Variants in TSPAN7 observed in about 807,000 individuals in gnomAD.
TSPAN7 encodes tetraspanin-7.
In TSPAN7, 1 loss-of-function variant was observed where a neutral mutation model predicts 17.6. That is an observed-to-expected ratio of 0.06 (90% CI 0.02 to 0.27). TSPAN7 has a LOEUF of 0.27. Ranked by LOEUF, TSPAN7 falls within the 10% of genes least tolerant of loss-of-function variation. The probability of loss-of-function intolerance (pLI) is 1.00; values close to 1 mark genes in which losing one functional copy is unlikely to be tolerated. For synonymous variants in TSPAN7, 78 were observed against 79.0 expected, an observed-to-expected ratio of 0.99 and a Z score of 0.07; for missense variants, 112 against 201.7, an observed-to-expected ratio of 0.56 and a Z score of 2.69.
intron 1 of TSPAN7, among the ~76,000 whole-genome samples, chrX:38,660,931 T>G (rs2069740408): frequency 8.9e-6 from 1 of 112,094 alleles, no homozygotes. Flanking sequence ...GAACCTTGTA[T>G]TAAGGATTTA....
chrX:38,585,388 G>A (rs1337975671), intron 1 of TSPAN7, among the ~76,000 whole-genome samples: 1 of 111,016 alleles, frequency 9.0e-6, no homozygotes, highest in Admixed American at 9.6e-5. Context: ...TTTGTTTGTT[G>A]CCCATTCTTA....
chrX:38,639,946 C>T (rs935629228), intron 1 of TSPAN7, among the ~76,000 whole-genome samples: 1 of 111,394 alleles, frequency 9.0e-6, no homozygotes, highest in Non-Finnish European at 1.9e-5. Context: ...ATTCTTCTTT[C>T]TGGATTCTTC....
intron 1 of TSPAN7, among the ~76,000 whole-genome samples, chrX:38,588,712 A>G (rs918833455): frequency 4.5e-5 from 5 of 111,934 alleles, no homozygotes; most frequent in Non-Finnish European, 5.6e-5. Flanking sequence ...TCAAATTCCA[A>G]TAAAAGACTA....
chrX:38,670,965 G>T (rs2069818001), intron 2 of TSPAN7, among the ~76,000 whole-genome samples: 1 of 112,226 alleles, frequency 8.9e-6, no homozygotes, highest in African/African-American at 3.2e-5. Flanking sequence ...TCGTGAGGAA[G>T]TTGGTAAAAA....
chrX:38,594,720 T>C (rs2069309602), intron 1 of TSPAN7, among the ~76,000 whole-genome samples: 1 of 112,297 alleles, frequency 8.9e-6, no homozygotes, highest in Non-Finnish European at 1.9e-5. Context: ...AATTTGTTTT[T>C]ATGCAAGTAA....
chrX:38,683,843 C>T (rs1341357214), intron 6 of TSPAN7, among the ~76,000 whole-genome samples: 1 of 113,129 alleles, frequency 8.8e-6, no homozygotes, highest in African/African-American at 3.2e-5. Context: ...AGACCTTTGG[C>T]TACATGTGTT....
intron 1 of TSPAN7, among the ~76,000 whole-genome samples, chrX:38,622,532 C>T (rs1010385021): frequency 9.0e-6 from 1 of 111,460 alleles, no homozygotes; most frequent in African/African-American, 3.3e-5. Context: ...GCACTCAAGG[C>T]TGGGCCACAG....
rs747523015 is a variant in TSPAN7, at chrX:38,683,701, G to T, written c.681+2414G>T. On this transcript the variant is annotated intron_variant, in intron 6 of 7. Coordinates refer to ENST00000378482, the MANE Select transcript of TSPAN7 (RefSeq NM_004615.4). ...GCTATTTATGGTGCTGTCAGCCTCAGGGGTCCTGAAAGCTGAAGTTGGCTT... is the reference window on the plus strand; with the variant it reads ...GCTATTTATGGTGCTGTCAGCCTCATGGGTCCTGAAAGCTGAAGTTGGCTT... Among the ~76,000 whole-genome samples, 6 of 112,829 alleles carry T rather than the reference G, an allele frequency of 5.3e-5. 1 individual carries two copies. The South Asian group carries it at 2.2e-3, about 41-fold the overall frequency.
intron 5 of TSPAN7, among the ~76,000 whole-genome samples, chrX:38,680,595 A>T (rs1417285124): frequency 9.8e-6 from 1 of 101,660 alleles, no homozygotes; most frequent in African/African-American, 3.7e-5. Context: ...GGAAAAGATG[A>T]CCCTAGAACA....
rs2069794719 is a variant in TSPAN7, at chrX:38,668,113, C to T, written c.270+1804C>T. ...GAAGGGAAGTGATGTGGTGTTGAGA[C>T]CTGACTGATTCCAACTAACTGTTTA... On this transcript the variant is annotated intron_variant, in intron 2 of 7. Transcript: ENST00000378482. Among the ~76,000 whole-genome samples the T allele has an allele frequency of 2.7e-5, 3 of 112,151 alleles. No homozygotes were observed. In the South Asian group the frequency reaches 1.1e-3, roughly 42 times the overall value.
chrX:38,650,571 A>G (rs921225496), intron 1 of TSPAN7, among the ~76,000 whole-genome samples: 3 of 112,066 alleles, frequency 2.7e-5, no homozygotes, highest in African/African-American at 9.7e-5. Flanking sequence ...GGACTCAACC[A>G]TTCTGGCCCT....
At chrX:38,684,061 T>A (rs1192990436) in intron 6 of TSPAN7, among the ~76,000 whole-genome samples, 1 of 112,229 alleles carries the variant, frequency 8.9e-6, no homozygotes, top group East Asian at 2.8e-4. Flanking sequence ...GCCCTCGACC[T>A]TTTTCTTGCC....
chrX:38,563,159 C>CA, intron 1 of TSPAN7: 1 of 950,677 alleles, frequency 1.1e-6, no homozygotes, highest in Non-Finnish European at 1.3e-6. Flanking sequence ...CCCCAGACCA[C>CA]ACATACCAGG....
chrX:38,629,818 G>A (rs2069540051), intron 1 of TSPAN7, among the ~76,000 whole-genome samples: 1 of 111,995 alleles, frequency 8.9e-6, no homozygotes, highest in Non-Finnish European at 1.9e-5. Flanking sequence ...TTAAGTCTCT[G>A]CTCAATTTAG....
At chrX:38,671,556 C>A (rs41312149) in intron 3 of TSPAN7, 106 bp downstream of exon 3, 11,108 of 783,424 alleles carry the variant, frequency 0.014, 71 homozygotes, top group Non-Finnish European at 0.018. Flanking sequence ...CTGTTTTCCT[C>A]AGTGGTGTTG....
At chrX:38,657,146 C>G (rs768228464) in intron 1 of TSPAN7, among the ~76,000 whole-genome samples, 7 of 111,353 alleles carry the variant, frequency 6.3e-5, no homozygotes, top group Non-Finnish European at 1.3e-4. Context: ...GTGTGATATA[C>G]AGAGTACCTA....
At chrX:38,638,623 AG>A (rs1221161891) in intron 1 of TSPAN7, among the ~76,000 whole-genome samples, 3 of 111,482 alleles carry the variant, frequency 2.7e-5, no homozygotes, top group Non-Finnish European at 5.6e-5. Context: ...AAGTTGGGCC[AG>A]CTCCTGCTCT....
chrX:38,589,862 G>A (rs192993191), intron 1 of TSPAN7, among the ~76,000 whole-genome samples: 24 of 111,597 alleles, frequency 2.2e-4, no homozygotes, highest in Admixed American at 1.7e-3. Context: ...TACATTATGC[G>A]TTTGATAAAA....
intron 1 of TSPAN7, among the ~76,000 whole-genome samples, chrX:38,661,615 G>A (rs1339435149): frequency 8.9e-6 from 1 of 112,000 alleles, no homozygotes; most frequent in African/African-American, 3.3e-5. Flanking sequence ...GGCCAGTCAT[G>A]TAGTTTATCC....
Sources: allele counts gnomAD v4.1 joint callset (sites outside exome capture counted in the v4.1 genomes callset), GRCh38; gene constraint gnomAD v4.1.1; transcripts MANE v1.5; gene names NCBI Gene and HGNC (gene_info 2026-07-23, HGNC 2026-07-21).